Variants in SPOP observed in about 807,000 individuals in gnomAD.
SPOP encodes the protein speckle type BTB/POZ protein.
A neutral mutation model predicts 45.6 loss-of-function variants in SPOP; 11 were observed. The ratio of observed to expected loss-of-function variants is 0.24; its 90% CI spans 0.15 to 0.40. The LOEUF is 0.40. Ranked by LOEUF, SPOP falls within the 10% of genes least tolerant of loss-of-function variation. The pLI is 1.00. For synonymous variants in SPOP, 166 were observed against 166.3 expected, an observed-to-expected ratio of 1.00 and a Z score of 0.01; for missense variants, 152 against 465.6, an observed-to-expected ratio of 0.33 and a Z score of 6.20.
chr17:49,619,505 T>G lies in SPOP; in HGVS notation c.201-120A>C. On this transcript the variant is annotated intron_variant, in intron 3 of 9. Coordinates refer to ENST00000504102, the MANE Select transcript of SPOP (RefSeq NM_001007228.2). This position sits in a 1 kb window ranked among gnomAD's most constrained non-coding sequence, Gnocchi z 4.9. The stretch of plus-strand genomic sequence containing the variant: ...ATGCAGGCCCCATAGAAGAATATAA[T>G]TCAGTAGAATGACTAGTTGGGAACA... 69 of 996,826 alleles carry G rather than the reference T, an allele frequency of 6.9e-5. No individual in the cohort carries two copies. Among genetic ancestry groups the G allele is most frequent in the Middle Eastern group, 3.2e-4 (1 of 3,164 alleles). The allele number at this position is 996,826 out of a possible 1,614,324, so 61.7% of individuals were successfully genotyped here. A position where few individuals can be genotyped will look rare whatever the true frequency, so the allele number is the denominator to read the frequency against.
chr17:49,608,127 A>C (rs1014701035), intron 6 of SPOP, among the ~76,000 whole-genome samples, 198 bp from the exon 7 acceptor site: 1 of 152,246 alleles, frequency 6.6e-6, no homozygotes, highest in African/African-American at 2.4e-5. Context: ...TACATAAAGG[A>C]AAATAAGAAA....
At chr17:49,647,309 G>A (rs796269468) in intron 1 of SPOP, among the ~76,000 whole-genome samples, 9 of 87,822 alleles carry the variant, frequency 1.0e-4, no homozygotes, top group African/African-American at 4.0e-4. Context: ...GTGAGATGCC[G>A]TCTTAAAAAA....
At chr17:49,613,266 T>C (rs1247499360) in intron 5 of SPOP, among the ~76,000 whole-genome samples, 1 of 123,190 alleles carries the variant, frequency 8.1e-6, no homozygotes, top group Non-Finnish European at 1.7e-5. Flanking sequence ...AGCTCTAAAA[T>C]ACTAATTTAA....
At chr17:49,606,217 A>T (rs2071841440) in intron 8 of SPOP, among the ~76,000 whole-genome samples, 1 of 152,024 alleles carries the variant, frequency 6.6e-6, no homozygotes, top group South Asian at 2.1e-4. Context: ...GCAATGGTGC[A>T]ATCATGGCTC....
At chr17:49,638,521 G>T (rs1343300568) in intron 1 of SPOP, among the ~76,000 whole-genome samples, 1 of 151,992 alleles carries the variant, frequency 6.6e-6, no homozygotes, top group Non-Finnish European at 1.5e-5. Context: ...CCCCACAGTG[G>T]TTGCCGTGAA....
chr17:49,661,266 C>G (rs1410443267), intron 1 of SPOP, among the ~76,000 whole-genome samples: 1 of 152,200 alleles, frequency 6.6e-6, no homozygotes, highest in Non-Finnish European at 1.5e-5. Context: ...TGGCCATGGT[C>G]GAAAACCTTC....
chr17:49,625,596 G>A (rs1053221970), intron 1 of SPOP, among the ~76,000 whole-genome samples: 4 of 152,024 alleles, frequency 2.6e-5, no homozygotes, highest in Non-Finnish European at 4.4e-5. Flanking sequence ...CAACAAGAGC[G>A]AAGCTCCATC....
At chr17:49,629,349 C>T (rs2072405649) in intron 1 of SPOP, among the ~76,000 whole-genome samples, 2 of 151,976 alleles carry the variant, frequency 1.3e-5, no homozygotes, top group South Asian at 4.1e-4. Context: ...GCCCTTTGAA[C>T]AATGCTGAGT....
chr17:49,677,747 G>A lies in SPOP; in HGVS notation c.-67+186C>T, dbSNP rs147140300. Reference sequence around the variant, plus strand: ...TCTGAATGCTTGAGATAGGGAGAAGGGACGGCTGATTCGGCTCTGGCATTC... The same window carrying A: ...TCTGAATGCTTGAGATAGGGAGAAGAGACGGCTGATTCGGCTCTGGCATTC... On this transcript the variant is annotated intron_variant, in intron 1 of 9. Transcript: ENST00000504102. 1.3e-3 allele frequency among the ~76,000 whole-genome samples: 203 copies of A among 152,082 alleles called. 1 individual carries two copies. The highest frequency in any genetic ancestry group is 4.7e-3 in the African/African-American group (197 of 41,490).
intron 1 of SPOP, among the ~76,000 whole-genome samples, chr17:49,650,241 C>T (rs781591514): frequency 2.0e-4 from 30 of 152,018 alleles, no homozygotes; most frequent in Non-Finnish European, 4.1e-4. Flanking sequence ...CATAGTGGGA[C>T]CGGGGAGATG....
intron 1 of SPOP, among the ~76,000 whole-genome samples, chr17:49,677,539 G>A (rs2073215890): frequency 6.6e-6 from 1 of 152,240 alleles, no homozygotes; most frequent in Admixed American, 6.5e-5. Context: ...TCTTTATCCC[G>A]CAGGTCCCTG....
chr17:49,626,592 G>A (rs576187025), intron 1 of SPOP, among the ~76,000 whole-genome samples: 29 of 152,198 alleles, frequency 1.9e-4, no homozygotes, highest in African/African-American at 7.0e-4. Flanking sequence ...CTACTTGGGA[G>A]GTTGAGACAG....
chr17:49,627,063 A>G (rs576247278), intron 1 of SPOP, among the ~76,000 whole-genome samples: 5 of 152,168 alleles, frequency 3.3e-5, no homozygotes, highest in South Asian at 4.2e-4. Flanking sequence ...GTTAGCCAGG[A>G]TGGTCTCGAT....
chr17:49,600,465 G>A lies in SPOP; in HGVS notation c.1038C>T (p.Pro346=). 1 of 1,614,094 alleles carries A rather than the reference G, an allele frequency of 6.2e-7. No homozygotes were observed. The highest frequency in any genetic ancestry group is 1.3e-5 in the African/African-American group (1 of 75,008). The change falls in exon 10 of 10, where the codon CCC becomes CCT. Residue 346 remains proline, a synonymous_variant. Coordinates refer to ENST00000504102, the MANE Select transcript of SPOP (RefSeq NM_001007228.2). This position sits in a 1 kb window ranked among gnomAD's most constrained non-coding sequence, Gnocchi z 4.2. The part of the protein sequence containing the change: ...SGWKSMVVSH[P]HLVAEAYRSL... ...AGCGGTATGCCTCAGCCACCAAGTGGGGATGTGACACCACCATTGACTTCC... is the reference window on the plus strand; with the variant it reads ...AGCGGTATGCCTCAGCCACCAAGTGAGGATGTGACACCACCATTGACTTCC...
chr17:49,606,159 A>C (rs1477660173), intron 8 of SPOP, among the ~76,000 whole-genome samples: 1 of 151,708 alleles, frequency 6.6e-6, no homozygotes, highest in African/African-American at 2.4e-5. Flanking sequence ...GTATTTTTTT[A>C]ATTTATTTTT....
chr17:49,649,241 A>G (rs2143480897), intron 1 of SPOP, among the ~76,000 whole-genome samples: 1 of 152,294 alleles, frequency 6.6e-6, no homozygotes, highest in Middle Eastern at 3.4e-3. Flanking sequence ...TTTAATTGAT[A>G]GAAAGTAAAC....
chr17:49,602,409 C>T (rs924893346), intron 8 of SPOP: 1 of 166,140 alleles, frequency 6.0e-6, no homozygotes, highest in South Asian at 1.6e-4. Flanking sequence ...CCCTTCTAGG[C>T]CCTGCGGTCT....
At chr17:49,629,331 C>CT (rs1486637699) in intron 1 of SPOP, among the ~76,000 whole-genome samples, 16 of 152,080 alleles carry the variant, frequency 1.1e-4, no homozygotes, top group African/African-American at 3.6e-4. Flanking sequence ...TCACATATCT[C>CT]TAAAACAGCC....
At chr17:49,669,057 C>A (rs1374747001) in intron 1 of SPOP, among the ~76,000 whole-genome samples, 2 of 139,502 alleles carry the variant, frequency 1.4e-5, no homozygotes, top group Non-Finnish European at 1.5e-5. Context: ...ATTACAGGCG[C>A]GAGCCACCGC....
Sources: allele counts gnomAD v4.1 joint callset (sites outside exome capture counted in the v4.1 genomes callset), GRCh38; gene constraint gnomAD v4.1.1; non-coding constraint Gnocchi (gnomAD v3.1); transcripts MANE v1.5; gene names NCBI Gene and HGNC (gene_info 2026-07-23, HGNC 2026-07-21).